Variants in THSD4 observed in about 807,000 individuals in gnomAD.
The protein encoded by THSD4 is thrombospondin type-1 domain-containing protein 4.
Under a neutral mutation model 119.0 loss-of-function variants are expected in THSD4, and 69 were observed. That is an observed-to-expected ratio of 0.58 (90% CI 0.48 to 0.71). THSD4 has a LOEUF of 0.71. Among genes scored for constraint, THSD4 ranks in the 30% least tolerant of loss-of-function variants. The pLI is 0.00. For missense variants in THSD4, 1,393 were observed against 1,391.1 expected, an observed-to-expected ratio of 1.00 and a Z score of -0.02; for synonymous variants, 524 against 540.4, an observed-to-expected ratio of 0.97 and a Z score of 0.42.
At chr15:71,614,302 C>T (rs569608261) in intron 7 of THSD4, among the ~76,000 whole-genome samples, 2 of 152,336 alleles carry the variant, frequency 1.3e-5, no homozygotes, top group African/African-American at 2.4e-5. Flanking sequence ...CTCTTGAGGA[C>T]ACTAGAAGTT....
intron 3 of THSD4, among the ~76,000 whole-genome samples, chr15:71,177,940 C>A (rs2043464036): frequency 7.5e-6 from 1 of 132,798 alleles, no homozygotes; most frequent in South Asian, 2.8e-4. Flanking sequence ...AATTCAACAA[C>A]CCTCCATGCT....
At chr15:71,151,569 G>A (rs1053075731) in intron 2 of THSD4, among the ~76,000 whole-genome samples, 10 of 152,120 alleles carry the variant, frequency 6.6e-5, no homozygotes, top group African/African-American at 1.9e-4. Flanking sequence ...ACAGAGAGAC[G>A]GTGATTTGCC....
intron 13 of THSD4, among the ~76,000 whole-genome samples, chr15:71,747,812 A>G (rs1324672170): frequency 6.6e-6 from 1 of 152,242 alleles, no homozygotes; most frequent in African/African-American, 2.4e-5. Flanking sequence ...AGTTTGAAGA[A>G]TTCACAATAA....
intron 6 of THSD4, among the ~76,000 whole-genome samples, chr15:71,353,990 C>T (rs950082038): frequency 6.6e-6 from 1 of 152,194 alleles, no homozygotes; most frequent in African/African-American, 2.4e-5. Context: ...CATCAGAATT[C>T]CAGGGGCTGT....
At chr15:71,207,847 A>G (rs557779292) in intron 3 of THSD4, among the ~76,000 whole-genome samples, 1 of 152,202 alleles carries the variant, frequency 6.6e-6, no homozygotes, top group Non-Finnish European at 1.5e-5. Flanking sequence ...ATTGTCTTTC[A>G]TGGAACTGGT....
intron 7 of THSD4, among the ~76,000 whole-genome samples, chr15:71,604,157 G>A (rs1427462391): frequency 1.3e-5 from 2 of 152,270 alleles, no homozygotes; most frequent in African/African-American, 4.8e-5. Context: ...GGGCCCTAAT[G>A]AGTTTGGGGT....
At chr15:71,316,590 G>T in intron 6 of THSD4, among the ~76,000 whole-genome samples, 1 of 152,156 alleles carries the variant, frequency 6.6e-6, no homozygotes, top group East Asian at 1.9e-4. Context: ...TAGGCCCATT[G>T]CTGCTAGGGA....
intron 6 of THSD4, among the ~76,000 whole-genome samples, chr15:71,303,780 G>A (rs2044984853): frequency 2.0e-5 from 3 of 152,204 alleles, no homozygotes; most frequent in South Asian, 4.2e-4. Context: ...AGTGACTCTG[G>A]CATGGTTACC....
intron 7 of THSD4, among the ~76,000 whole-genome samples, chr15:71,491,451 G>A (rs1034885141): frequency 5.9e-5 from 9 of 152,202 alleles, no homozygotes; most frequent in African/African-American, 1.2e-4. Flanking sequence ...AAGCTAGCAC[G>A]CTCAGCCCCC....
chr15:71,122,930 T>C (rs1029650573), intron 1 of THSD4, among the ~76,000 whole-genome samples: 1 of 152,220 alleles, frequency 6.6e-6, no homozygotes, highest in South Asian at 2.1e-4. Flanking sequence ...GAGTGGTCCG[T>C]GCTGCTCATG....
chr15:71,505,764 A>G (rs2048176213), intron 7 of THSD4, among the ~76,000 whole-genome samples: 1 of 152,364 alleles, frequency 6.6e-6, no homozygotes, highest in South Asian at 2.1e-4. Flanking sequence ...AAGTCCTGTA[A>G]TTTGGAAAGT....
chr15:71,480,880 T>A (rs887436978), intron 7 of THSD4, among the ~76,000 whole-genome samples: 3 of 152,214 alleles, frequency 2.0e-5, no homozygotes, highest in African/African-American at 7.2e-5. Context: ...TAGTCTATCT[T>A]CATTTTTCAT....
At chr15:71,458,080 T>C (rs1394236221) in intron 7 of THSD4, among the ~76,000 whole-genome samples, 1 of 152,156 alleles carries the variant, frequency 6.6e-6, no homozygotes, top group East Asian at 1.9e-4. Context: ...TATAATCTTA[T>C]TATAATCTAT....
chr15:71,589,400 G>T (rs999080701), intron 7 of THSD4, among the ~76,000 whole-genome samples: 3 of 137,702 alleles, frequency 2.2e-5, no homozygotes, highest in Non-Finnish European at 5.0e-5. Context: ...CTGTCATTCA[G>T]GCTGGAGTGC....
At chr15:71,512,631 A>G (rs1217337422) in intron 7 of THSD4, among the ~76,000 whole-genome samples, 1 of 152,232 alleles carries the variant, frequency 6.6e-6, no homozygotes, top group Non-Finnish European at 1.5e-5. Flanking sequence ...ATATTGATTT[A>G]TCTTCTCTCC....
intron 8 of THSD4, among the ~76,000 whole-genome samples, chr15:71,726,377 T>C (rs1230431145): frequency 6.6e-6 from 1 of 152,142 alleles, no homozygotes; most frequent in Non-Finnish European, 1.5e-5. Flanking sequence ...AAAAAATGAG[T>C]TTAAGAAAAA....
intron 4 of THSD4, among the ~76,000 whole-genome samples, chr15:71,238,030 C>T (rs1247426981): frequency 6.6e-6 from 1 of 151,922 alleles, no homozygotes; most frequent in Non-Finnish European, 1.5e-5. Flanking sequence ...CTGTCATGTT[C>T]TTCTCATAGA....
chr15:71,136,960 G>A (rs569195440), intron 1 of THSD4, among the ~76,000 whole-genome samples: 6 of 152,246 alleles, frequency 3.9e-5, no homozygotes, highest in South Asian at 2.1e-4. Context: ...TGACCCCACC[G>A]TCCTGAGCCT....
rs78924897 is a variant in THSD4, at chr15:71,555,313, G to C, written c.1153-105217G>C. On this transcript the variant is annotated intron_variant, in intron 7 of 17. Transcript: ENST00000261862. ...ATGATTTATCTCCTTTCCAGTATTA[G>C]GCATTATCAGACAGGTTAATTTTTA... is the stretch of plus-strand genomic sequence containing the variant. Among the ~76,000 whole-genome samples, 845 of 152,228 alleles carry C rather than the reference G, an allele frequency of 5.6e-3. 4 individuals carry two copies. Among genetic ancestry groups the C allele is most frequent in the Non-Finnish European group, 8.6e-3 (587 of 68,030 alleles).
Sources: allele counts gnomAD v4.1 joint callset (sites outside exome capture counted in the v4.1 genomes callset), GRCh38; gene constraint gnomAD v4.1.1; transcripts MANE v1.5; gene names NCBI Gene and HGNC (gene_info 2026-07-23, HGNC 2026-07-21).